Variants in PPFIA4 observed in about 807,000 individuals in gnomAD.
The protein encoded by PPFIA4 is liprin-alpha-4.
A neutral mutation model predicts 145.7 loss-of-function variants in PPFIA4; 98 were observed. The observed-to-expected ratio is 0.67, with a 90% confidence interval of 0.57 to 0.80. The LOEUF is 0.80. Among genes scored for constraint, PPFIA4 ranks in the 30% least tolerant of loss-of-function variants. PPFIA4 has a pLI of 0.00. For synonymous variants in PPFIA4, 628 were observed against 649.6 expected (o/e 0.97, Z 0.51); for missense variants, 1,457 against 1,632.7 (o/e 0.89, Z 1.85).
At chr1:203,034,959 A>C (rs1558062905) in intron 1 of PPFIA4, among the ~76,000 whole-genome samples, 2 of 152,230 alleles carry the variant, frequency 1.3e-5, no homozygotes, top group Non-Finnish European at 2.9e-5. Flanking sequence ...CTTCTGTGAA[A>C]TGGGAAGAAT....
chr1:203,056,276 C>T (rs1045125979), intron 17 of PPFIA4, 99 bp from the exon 18 acceptor site: 12 of 1,598,284 alleles, frequency 7.5e-6, no homozygotes, highest in South Asian at 1.1e-5. Context: ...CCCAGGGCCT[C>T]CCCACTGCAT....
At chr1:203,056,284 C>A in intron 17 of PPFIA4, 91 bp from the exon 18 acceptor site, 1 of 1,598,064 alleles carries the variant, frequency 6.3e-7, no homozygotes, top group Non-Finnish European at 8.5e-7. Context: ...CTCCCCACTG[C>A]ATTTCTCCAT....
At chr1:203,070,369 C>T (rs1056904257) in intron 27 of PPFIA4, among the ~76,000 whole-genome samples, 22 of 151,958 alleles carry the variant, frequency 1.4e-4, no homozygotes, top group Admixed American at 1.3e-4. Flanking sequence ...TTGCTTGAGG[C>T]CAGGAGTTTA....
At chr1:203,033,341 G>GT (rs1223476674) in intron 1 of PPFIA4, among the ~76,000 whole-genome samples, 4 of 152,196 alleles carry the variant, frequency 2.6e-5, no homozygotes, top group Non-Finnish European at 5.9e-5. Flanking sequence ...TTTTCCAAGA[G>GT]TTTTTTCTCT....
Position 203,038,825 on chromosome 1 carries a change from A to G in PPFIA4, c.-184A>G. The stretch of plus-strand genomic sequence containing the variant: ...CCTTCTGGCTCAGTTCCACAGGGGC[A>G]CTCCAGACCCCAGGCCCCTTTCAGA... On this transcript the variant is annotated 5_prime_UTR_variant, in exon 2 of 30. Coordinates refer to ENST00000295706, the MANE Select transcript of PPFIA4 (RefSeq NM_001304331.2). 2.0e-6 allele frequency: 1 copy of G among 508,970 alleles called. No homozygotes were observed. The highest frequency in any genetic ancestry group is 2.6e-5 in the South Asian group (1 of 38,736). The allele number at this position is 508,970 out of a possible 1,614,324, so 31.5% of individuals were successfully genotyped here. A position where few individuals can be genotyped will look rare whatever the true frequency, so the allele number is the denominator to read the frequency against.
intron 1 of PPFIA4, among the ~76,000 whole-genome samples, chr1:203,032,907 G>A (rs1339733688): frequency 6.6e-6 from 1 of 152,084 alleles, no homozygotes; most frequent in African/African-American, 2.4e-5. Context: ...AGTAAGTTCT[G>A]TGCTCACTCA....
intron 28 of PPFIA4, among the ~76,000 whole-genome samples, chr1:203,073,657 G>A (rs115402627): frequency 0.015 from 2,240 of 152,206 alleles, 38 homozygotes; most frequent in Non-Finnish European, 0.023. Context: ...TCTTAAGGGC[G>A]GTATCCAGTT....
chr1:203,059,391 C>A, intron 20 of PPFIA4, 120 bp downstream of exon 20: 2 of 858,012 alleles, frequency 2.3e-6, no homozygotes, highest in South Asian at 1.6e-5. Context: ...CCTTCCTGAA[C>A]TGAGTTGGTC....
At chr1:203,061,865 C>T (rs911269307) in intron 24 of PPFIA4, among the ~76,000 whole-genome samples, 187 bp downstream of exon 24, 3 of 151,946 alleles carry the variant, frequency 2.0e-5, no homozygotes, top group African/African-American at 7.3e-5. Flanking sequence ...TCTGGTTTCT[C>T]AGGGTGGCAG....
intron 1 of PPFIA4, among the ~76,000 whole-genome samples, chr1:203,036,928 T>C (rs1659316993): frequency 6.6e-6 from 1 of 152,206 alleles, no homozygotes; most frequent in Admixed American, 6.5e-5. Flanking sequence ...TTGACCAGAG[T>C]TTGTGTCCAG....
Position 203,075,527 on chromosome 1 carries a change from A to T in PPFIA4, c.3394-50A>T. 1.5e-6 allele frequency: 2 copies of T among 1,345,782 alleles called. No individual in the cohort carries two copies. The highest frequency in any genetic ancestry group is 1.9e-6 in the Non-Finnish European group (2 of 1,041,234). The allele number at this position is 1,345,782 out of a possible 1,614,324, so 83.4% of individuals were successfully genotyped here. On this transcript the variant is annotated intron_variant, in intron 28 of 29. Transcript: ENST00000295706. This position sits in a 1 kb window ranked among gnomAD's most constrained non-coding sequence, Gnocchi z 4.1. Reference sequence around the variant, plus strand: ...GGCCCCCTCCAGGCAGGGCGTGAGGATGGCAATTCCAACAGGGCCCTCGGG... The same window carrying T: ...GGCCCCCTCCAGGCAGGGCGTGAGGTTGGCAATTCCAACAGGGCCCTCGGG...
chr1:203,060,228 G>T lies in PPFIA4; in HGVS notation c.2595G>T (p.Gly865=), dbSNP rs202090038. 6.2e-7 allele frequency: 1 copy of T among 1,613,992 alleles called. No homozygotes were observed. Among genetic ancestry groups the T allele is most frequent in the East Asian group, 2.2e-5 (1 of 44,882 alleles). ...CCCGGTGTCTGCAGCTCTGGGTGGG[G>T]ATGCCTGCCTGGTATGTGGCAGCCT... is the stretch of plus-strand genomic sequence containing the variant. The part of the protein sequence containing the change: ...TVVSWLELWV[G]MPAWYVAACR... Residue 865 remains glycine, a synonymous_variant, in exon 22 of 30, where the codon GGG becomes GGT. Coordinates refer to ENST00000295706, the MANE Select transcript of PPFIA4 (RefSeq NM_001304331.2). This position sits in a 1 kb window ranked among gnomAD's most constrained non-coding sequence, Gnocchi z 4.8.
chr1:203,065,324 C>G (rs542023020), intron 25 of PPFIA4, among the ~76,000 whole-genome samples: 1 of 152,120 alleles, frequency 6.6e-6, no homozygotes, highest in Non-Finnish European at 1.5e-5. Flanking sequence ...CCGCCCCCAC[C>G]CAAATCAGCT....
chr1:203,034,279 A>G (rs2102611230), intron 1 of PPFIA4, among the ~76,000 whole-genome samples: 1 of 152,260 alleles, frequency 6.6e-6, no homozygotes, highest in South Asian at 2.1e-4. Context: ...AACAGGAGCT[A>G]TAGGTGGGTC....
intron 28 of PPFIA4, among the ~76,000 whole-genome samples, chr1:203,072,413 G>C (rs1227685601): frequency 2.6e-5 from 4 of 152,212 alleles, no homozygotes; most frequent in Non-Finnish European, 4.4e-5. Flanking sequence ...ATTTCATCAG[G>C]CATTCCCCTT....
chr1:203,074,408 T>A (rs1662376358), intron 28 of PPFIA4, among the ~76,000 whole-genome samples: 1 of 152,072 alleles, frequency 6.6e-6, no homozygotes, highest in Admixed American at 6.5e-5. Context: ...ATTATAATCT[T>A]ATGAGACCAC....
Position 203,044,373 on chromosome 1 carries a change from G to A in PPFIA4, c.502-6G>A, listed in dbSNP as rs116766318. The stretch of plus-strand genomic sequence containing the variant: ...TTCTTCCTCCATCTCCCCTTACCTC[G>A]AGCAGGTGCGAGAGCGGCTCCGGGC... On this transcript the variant is annotated splice_region_variant and splice_polypyrimidine_tract_variant and intron_variant, in intron 4 of 29. Transcript: ENST00000295706. 696 of 1,550,864 alleles carry A rather than the reference G, an allele frequency of 4.5e-4. 2 individuals are homozygous for A. In the African/African-American group the frequency reaches 8.6e-3, roughly 19 times the overall value.
rs977400855 is a variant in PPFIA4 at position 203,044,491 on chromosome 1, A to G, written c.576+38A>G. The G allele has an allele frequency of 1.9e-6, 3 of 1,538,898 alleles. No individual in the cohort carries two copies. The African/African-American group carries it at 4.1e-5, about 21-fold the overall frequency. The stretch of plus-strand genomic sequence containing the variant: ...CTCACCCTCAGTCTGCAGCTCCTGG[A>G]AGTCCAGGCTGGTTCACCCCTGTGC... On this transcript the variant is annotated intron_variant, in intron 5 of 29. Transcript: ENST00000295706.
chr1:203,043,727 G>A lies in PPFIA4; in HGVS notation c.337-204G>A, dbSNP rs1268145281. ...TAGTTGCTGGTTCACAGAAAGCTCA[G>A]GGTCCTGGGGAGAGGCCGGGGCAGT... On this transcript the variant is annotated intron_variant, in intron 3 of 29. Coordinates refer to ENST00000295706, the MANE Select transcript of PPFIA4 (RefSeq NM_001304331.2). The surrounding 1 kb of genome is among the most constrained non-coding windows in gnomAD (Gnocchi z 4.4). 6.6e-6 allele frequency among the ~76,000 whole-genome samples: 1 copy of A among 152,162 alleles called. No individual in the cohort carries two copies. The highest frequency in any genetic ancestry group is 2.4e-5 in the African/African-American group (1 of 41,436).
Sources: allele counts gnomAD v4.1 joint callset (sites outside exome capture counted in the v4.1 genomes callset), GRCh38; gene constraint gnomAD v4.1.1; non-coding constraint Gnocchi (gnomAD v3.1); transcripts MANE v1.5; gene names NCBI Gene and HGNC (gene_info 2026-07-23, HGNC 2026-07-21).